KCNJ5: variants seen among roughly 807,000 people sequenced by gnomAD.
KCNJ5 encodes the protein potassium inwardly rectifying channel subfamily J member 5.
Under a neutral mutation model 20.2 loss-of-function variants are expected in KCNJ5, and 12 were observed. That is an observed-to-expected ratio of 0.59 (90% CI 0.38 to 0.96). The LOEUF is 0.96. KCNJ5 is among the 40% of genes least tolerant of loss of function. KCNJ5 has a pLI of 0.00. For synonymous variants in KCNJ5, 210 were observed against 213.9 expected (o/e 0.98, Z 0.16); for missense variants, 449 against 557.6 (o/e 0.81, Z 1.96).
intron 1 of KCNJ5, among the ~76,000 whole-genome samples, chr11:128,909,099 C>T (rs748944679): frequency 2.0e-5 from 3 of 152,148 alleles, no homozygotes; most frequent in Non-Finnish European, 2.9e-5. Flanking sequence ...TTCAGATGAC[C>T]TTTTGATATG....
Position 128,912,090 on chromosome 11 carries a change from C to T in KCNJ5, c.817C>T (p.Pro273Ser). 10 of 1,613,846 alleles carry T rather than the reference C, an allele frequency of 6.2e-6. No individual in the cohort carries two copies. The highest frequency in any genetic ancestry group is 8.5e-6 in the Non-Finnish European group (10 of 1,180,014). Reference protein sequence around the residue: ...TGDDRLFLVSPLIISHEINQK... With the variant: ...TGDDRLFLVSSLIISHEINQK... The stretch of plus-strand genomic sequence containing the variant: ...CGACGACCGCCTCTTCCTTGTGTCT[C>T]CTCTGATCATCTCCCATGAGATCAA... Residue 273 changes from proline (P) to serine (S), a missense_variant, in exon 2 of 3, where the codon CCT (proline) becomes TCT (serine). Coordinates refer to ENST00000529694, the MANE Select transcript of KCNJ5 (RefSeq NM_000890.5).
chr11:128,907,494 C>T (rs1441345207), intron 1 of KCNJ5, among the ~76,000 whole-genome samples: 1 of 152,224 alleles, frequency 6.6e-6, no homozygotes, highest in Non-Finnish European at 1.5e-5. Context: ...GATTTTGCCT[C>T]TTTTGAGTCT....
At chr11:128,893,419 A>G (rs1944124110) in intron 1 of KCNJ5, among the ~76,000 whole-genome samples, 1 of 152,060 alleles carries the variant, frequency 6.6e-6, no homozygotes, top group Non-Finnish European at 1.5e-5. Context: ...GCAACATAGC[A>G]AGACCCCATC....
In KCNJ5 at chr11:128,917,006, T is replaced by G; in HGVS notation, c.*275T>G. ...GGATGAGTTTCCCCATGGTGAATGTTACCGGATGGCATCTGTTCTCTCCAT... is the reference window on the plus strand; with the variant it reads ...GGATGAGTTTCCCCATGGTGAATGTGACCGGATGGCATCTGTTCTCTCCAT... On this transcript the variant is annotated 3_prime_UTR_variant, in exon 3 of 3. Coordinates refer to ENST00000529694, the MANE Select transcript of KCNJ5 (RefSeq NM_000890.5). 1 of 403,614 alleles carries G rather than the reference T, an allele frequency of 2.5e-6. No individual in the cohort carries two copies. Among genetic ancestry groups the G allele is most frequent in the Non-Finnish European group, 4.5e-6 (1 of 224,070 alleles). The allele number at this position is 403,614 out of a possible 1,614,324, so 25.0% of individuals were successfully genotyped here.
rs1160699929 is a variant in KCNJ5 at position 128,891,441 on chromosome 11, C to CACACACACAG, written c.-290_-289insCACACACAGA. On this transcript the variant is annotated 5_prime_UTR_variant, in exon 1 of 3. Transcript: ENST00000529694. ...ACACACACACACACACACACACACACAGAGAGAGAGAGAGAGAGAGAGAGA... is the reference window on the plus strand; with the variant it reads ...ACACACACACACACACACACACACACACACACACAGAGAGAGAGAGAGAGAGAGAGAGAGA... 3 of 54,924 alleles carry CACACACACAG rather than the reference C, an allele frequency of 5.5e-5. No homozygotes were observed. Among genetic ancestry groups the CACACACACAG allele is most frequent in the Non-Finnish European group, 1.0e-4 (3 of 29,498 alleles). The allele number at this position is 54,924 out of a possible 1,614,324, so 3.4% of individuals were successfully genotyped here.
chr11:128,913,768 A>T (rs1017077899), intron 2 of KCNJ5, among the ~76,000 whole-genome samples: 1 of 152,132 alleles, frequency 6.6e-6, no homozygotes, highest in African/African-American at 2.4e-5. Context: ...GTAGACAGTG[A>T]GTGTTCATAT....
chr11:128,916,239 T>C (rs1336015788), intron 2 of KCNJ5, among the ~76,000 whole-genome samples, 170 bp from the exon 3 acceptor site: 6 of 140,226 alleles, frequency 4.3e-5, no homozygotes, highest in African/African-American at 1.6e-4. Flanking sequence ...GATGGATAGA[T>C]GATTAGATGG....
chr11:128,909,238 G>C (rs977143424), intron 1 of KCNJ5, among the ~76,000 whole-genome samples: 2 of 152,218 alleles, frequency 1.3e-5, no homozygotes, highest in Admixed American at 6.5e-5. Context: ...TCAGCTCAGT[G>C]GTTGACAGGC....
chr11:128,894,448 G>A (rs1944140884), intron 1 of KCNJ5, among the ~76,000 whole-genome samples: 2 of 152,320 alleles, frequency 1.3e-5, no homozygotes, highest in South Asian at 4.1e-4. Context: ...AATGTTCACT[G>A]TGTATGAGCT....
At chr11:128,898,064 T>C (rs1944204519) in intron 1 of KCNJ5, among the ~76,000 whole-genome samples, 1 of 152,262 alleles carries the variant, frequency 6.6e-6, no homozygotes, top group Non-Finnish European at 1.5e-5. Flanking sequence ...TGCAGTTATG[T>C]AATGAGTCTT....
intron 1 of KCNJ5, among the ~76,000 whole-genome samples, chr11:128,898,485 G>A (rs373639730): frequency 3.3e-5 from 5 of 152,248 alleles, no homozygotes; most frequent in South Asian, 2.1e-4. Context: ...ATAAGTTAGC[G>A]CATGAGCAGT....
At chr11:128,895,342 C>G (rs1944157313) in intron 1 of KCNJ5, among the ~76,000 whole-genome samples, 1 of 151,580 alleles carries the variant, frequency 6.6e-6, no homozygotes, top group African/African-American at 2.4e-5. Flanking sequence ...CAGATGCCTC[C>G]TGGGACCAAA....
At position 128,912,317 on chromosome 11, in the gene KCNJ5, G is replaced by A. The variant is rs1944516520; in HGVS notation, c.937+107G>A. On this transcript the variant is annotated intron_variant, in intron 2 of 2. Transcript: ENST00000529694. ...GTCTGTGCCTGAGAGTCCTGGGGTG[G>A]CGCAGGCAACACATTCAATCCCTAA... The A allele has an allele frequency of 7.7e-6, 7 of 909,786 alleles. No individual in the cohort carries two copies. The Admixed American group carries it at 8.6e-5, about 11-fold the overall frequency. 56.4% of individuals were successfully genotyped at this position (909,786 alleles called of 1,614,324 possible).
intron 1 of KCNJ5, among the ~76,000 whole-genome samples, chr11:128,896,355 G>A (rs148200175): frequency 0.011 from 1,741 of 152,166 alleles, 30 homozygotes; most frequent in African/African-American, 0.025. Context: ...CTATCAAAAC[G>A]AATACATAGC....
At chr11:128,895,382 A>AC (rs59889127) in intron 1 of KCNJ5, among the ~76,000 whole-genome samples, 30,521 of 136,410 alleles carry the variant, frequency 0.22, 2,241 homozygotes, top group Middle Eastern at 0.32. Flanking sequence ...GTGTGCCCCC[A>AC]CCCCCCCCCC....
At chr11:128,900,815 G>A (rs2135986577) in intron 1 of KCNJ5, 1 of 152,376 alleles carries the variant, frequency 6.6e-6, no homozygotes, top group South Asian at 2.1e-4. Context: ...CACAGGAGTT[G>A]AAAGAGCCCA....
rs576620726 is a variant in KCNJ5, at chr11:128,918,279, T to C, written c.*1548T>C. ...AAGGGAATGGCTGCCCCTCCCAGGC[T>C]GGAAACAAGAGGGCAAGCGGGGTCA... On this transcript the variant is annotated 3_prime_UTR_variant, in exon 3 of 3. Transcript: ENST00000529694. 1 of 152,086 alleles carries C rather than the reference T, an allele frequency of 6.6e-6. No homozygotes were observed. Among genetic ancestry groups the C allele is most frequent in the East Asian group, 1.9e-4 (1 of 5,140 alleles). 9.4% of individuals were successfully genotyped at this position (152,086 alleles called of 1,614,324 possible). A position where few individuals can be genotyped will look rare whatever the true frequency, so the allele number is the denominator to read the frequency against.
intron 1 of KCNJ5, among the ~76,000 whole-genome samples, chr11:128,896,684 G>T (rs889225237): frequency 6.6e-6 from 1 of 151,986 alleles, no homozygotes; most frequent in Admixed American, 6.6e-5. Context: ...ATCGTCCATA[G>T]TGGGAAGGTA....
chr11:128,902,735 C>A, intron 1 of KCNJ5: 1 of 1,581,296 alleles, frequency 6.3e-7, no homozygotes, highest in South Asian at 1.2e-5. Context: ...AACAGGGAGG[C>A]TGTGAGAGGA....
Sources: allele counts gnomAD v4.1 joint callset (sites outside exome capture counted in the v4.1 genomes callset), GRCh38; gene constraint gnomAD v4.1.1; transcripts MANE v1.5; gene names NCBI Gene and HGNC (gene_info 2026-07-23, HGNC 2026-07-21).